The following ZPBP variants were observed in gnomAD, a reference collection of about 807,000 sequenced individuals.
The protein encoded by ZPBP is zona pellucida-binding protein 1.
Under a neutral mutation model 44.8 loss-of-function variants are expected in ZPBP, and 26 were observed. That is an observed-to-expected ratio of 0.58 (90% CI 0.43 to 0.81). The LOEUF (loss-of-function observed/expected upper bound fraction) is 0.81. Ranked by LOEUF, ZPBP falls within the 30% of genes least tolerant of loss-of-function variation. ZPBP has a pLI of 0.00. For missense variants in ZPBP, 409 were observed against 434.0 expected (o/e 0.94, Z 0.51); for synonymous variants, 174 against 153.2 (o/e 1.14, Z -1.00).
chr7:50,025,995 A>G (rs2128809287), intron 5 of ZPBP, among the ~76,000 whole-genome samples: 1 of 152,012 alleles, frequency 6.6e-6, no homozygotes, highest in South Asian at 2.1e-4. Flanking sequence ...CCTTAGGTGC[A>G]AAAACAGAAA....
intron 1 of ZPBP, among the ~76,000 whole-genome samples, chr7:49,922,936 T>C (rs909531041): frequency 6.6e-6 from 1 of 152,140 alleles, no homozygotes; most frequent in African/African-American, 2.4e-5. Context: ...AAACCTAAAC[T>C]GACCTAGCAA....
At chr7:49,945,357 G>T (rs560049836) in intron 7 of ZPBP, among the ~76,000 whole-genome samples, 3 of 152,184 alleles carry the variant, frequency 2.0e-5, no homozygotes, top group Non-Finnish European at 4.4e-5. Context: ...TGGCTATTAG[G>T]TTCATTTGTT....
At chr7:49,857,797 G>T (rs1038650903) in intron 2 of ZPBP, among the ~76,000 whole-genome samples, 6 of 152,098 alleles carry the variant, frequency 3.9e-5, no homozygotes, top group Non-Finnish European at 8.8e-5. Context: ...TCACTTCTGG[G>T]TATAAATCCA....
chr7:49,933,784 C>T (rs1794533041), downstream of ZPBP, among the ~76,000 whole-genome samples: 1 of 151,764 alleles, frequency 6.6e-6, no homozygotes, highest in Admixed American at 6.6e-5. Flanking sequence ...CCATCATTCT[C>T]AGCAAACTAT....
At position 49,937,451 on chromosome 7, in the gene ZPBP, CATA is replaced by C. The variant is rs1246913552; in HGVS notation, c.*74_*76del. 2.2e-5 allele frequency: 24 copies of C among 1,105,824 alleles called. No individual in the cohort carries two copies. Among genetic ancestry groups the C allele is most frequent in the Non-Finnish European group, 3.1e-5 (23 of 732,974 alleles). The allele number at this position is 1,105,824 out of a possible 1,614,324, so 68.5% of individuals were successfully genotyped here. The stretch of plus-strand genomic sequence containing the variant: ...TTTTGTAAAATATGATTAATTTTGG[CATA>C]ATAATTTATTATGTTAATATTTCAA... On this transcript the variant is annotated 3_prime_UTR_variant, in exon 8 of 8. Coordinates refer to ENST00000046087, the MANE Select transcript of ZPBP (RefSeq NM_007009.3).
chr7:50,042,981 G>C (rs772970554), intron 4 of ZPBP, among the ~76,000 whole-genome samples: 3 of 152,232 alleles, frequency 2.0e-5, no homozygotes, highest in Admixed American at 2.0e-4. Context: ...TGACATGCTC[G>C]TGATGGCCAT....
intron 2 of ZPBP, among the ~76,000 whole-genome samples, chr7:50,089,145 T>C (rs73695168): frequency 0.011 from 1,738 of 152,150 alleles, 40 homozygotes; most frequent in African/African-American, 0.039. Flanking sequence ...TAAAATTACA[T>C]AGGGGCAATG....
At chr7:49,895,357 A>C (rs1183012602) in intron 2 of ZPBP, among the ~76,000 whole-genome samples, 1 of 152,220 alleles carries the variant, frequency 6.6e-6, no homozygotes, top group Non-Finnish European at 1.5e-5. Flanking sequence ...GTTTCAATGT[A>C]CGAATTCCAG....
intron 7 of ZPBP, among the ~76,000 whole-genome samples, chr7:49,937,881 T>A (rs1794679700): frequency 2.0e-5 from 3 of 152,202 alleles, no homozygotes; most frequent in Admixed American, 1.3e-4. Context: ...GTAAGTGGAA[T>A]CATACACTGA....
chr7:49,860,848 T>C (rs936002827), intron 2 of ZPBP, among the ~76,000 whole-genome samples: 1 of 152,152 alleles, frequency 6.6e-6, no homozygotes, highest in Non-Finnish European at 1.5e-5. Context: ...GAAAAGGCCA[T>C]GTGAGGCCAC....
At chr7:49,953,414 T>C (rs1299580617) in intron 7 of ZPBP, among the ~76,000 whole-genome samples, 1 of 152,096 alleles carries the variant, frequency 6.6e-6, no homozygotes, top group Non-Finnish European at 1.5e-5. Context: ...ATGAACAGTG[T>C]CTGTTCCCAA....
At chr7:50,030,390 C>T (rs1459584919) in intron 5 of ZPBP, among the ~76,000 whole-genome samples, 1 of 151,646 alleles carries the variant, frequency 6.6e-6, no homozygotes, top group East Asian at 1.9e-4. Flanking sequence ...CTTCATGCCT[C>T]TCAATTGTGC....
chr7:49,889,537 T>C (rs1281666574), intron 2 of ZPBP, among the ~76,000 whole-genome samples: 3 of 152,082 alleles, frequency 2.0e-5, no homozygotes, highest in Non-Finnish European at 2.9e-5. Context: ...TCCCGGGAGC[T>C]AGACACCAAG....
Position 49,940,148 on chromosome 7 carries a change from C to G in ZPBP, c.962-2526G>C, listed in dbSNP as rs1165898347. 3.9e-5 allele frequency among the ~76,000 whole-genome samples: 6 copies of G among 152,260 alleles called. No homozygotes were observed. In the East Asian group the frequency reaches 1.2e-3, roughly 29 times the overall value. On this transcript the variant is annotated intron_variant, in intron 7 of 7. Coordinates refer to ENST00000046087, the MANE Select transcript of ZPBP (RefSeq NM_007009.3). ...GAAAGCCAAACCCTCTCTTTGTTCT[C>G]TGCAGTGCACCTTCAGTTATACCAA... is the stretch of plus-strand genomic sequence containing the variant.
intron 3 of ZPBP, among the ~76,000 whole-genome samples, chr7:50,072,284 T>C (rs1227070254): frequency 6.6e-6 from 1 of 152,008 alleles, no homozygotes; most frequent in Non-Finnish European, 1.5e-5. Context: ...AGTAGCAGGG[T>C]AGAATGGGAA....
At chr7:50,089,745 G>A (rs918142085) in intron 1 of ZPBP, 36 bp from the exon 2 acceptor site, 1 of 1,507,182 alleles carries the variant, frequency 6.6e-7, no homozygotes, top group Admixed American at 1.7e-5. Flanking sequence ...TGTCTCATTA[G>A]ATATTCTAAA....
chr7:50,017,698 T>A (rs1347616504), intron 6 of ZPBP, among the ~76,000 whole-genome samples: 1 of 152,162 alleles, frequency 6.6e-6, no homozygotes, highest in Non-Finnish European at 1.5e-5. Flanking sequence ...CTGTTTACAA[T>A]GTGTTTATGG....
chr7:49,977,056 C>G (rs1364578959), intron 7 of ZPBP, among the ~76,000 whole-genome samples: 1 of 150,938 alleles, frequency 6.6e-6, no homozygotes, highest in Non-Finnish European at 1.5e-5. Flanking sequence ...GAGCCGAGAT[C>G]CCGCCACTGC....
intron 2 of ZPBP, among the ~76,000 whole-genome samples, chr7:49,862,300 C>CT (rs147122195): frequency 0.062 from 9,498 of 152,110 alleles, 978 homozygotes; most frequent in African/African-American, 0.22. Flanking sequence ...GAAAAACAGC[C>CT]TTTTTTTGTG....
Sources: gnomAD v4.1 joint callset for allele counts (sites outside exome capture counted in the v4.1 genomes callset) on GRCh38, gnomAD v4.1.1 for gene constraint, MANE v1.5 for transcripts, NCBI Gene and HGNC (gene_info 2026-07-23, HGNC 2026-07-21) for gene names.